ENOX1: variants seen among roughly 807,000 people sequenced by gnomAD.
The protein encoded by ENOX1 is candidate growth-related and time keeping constitutive hydroquinone (NADH) oxidase.
A neutral mutation model predicts 82.5 loss-of-function variants in ENOX1; 42 were observed. The ratio of observed to expected loss-of-function variants is 0.51; its 90% CI spans 0.40 to 0.66. The LOEUF is 0.66. Among genes scored for constraint, ENOX1 ranks in the 30% least tolerant of loss-of-function variants. The probability of loss-of-function intolerance (pLI) is 0.00; values close to 1 mark genes in which losing one functional copy is unlikely to be tolerated. For missense variants in ENOX1, 608 were observed against 811.6 expected, an observed-to-expected ratio of 0.75 and a Z score of 3.05; for synonymous variants, 271 against 282.2, an observed-to-expected ratio of 0.96 and a Z score of 0.40.
chr13:43,287,361 A>T (rs944101382), intron 12 of ENOX1, among the ~76,000 whole-genome samples: 11 of 152,168 alleles, frequency 7.2e-5, no homozygotes, highest in African/African-American at 2.7e-4. Context: ...TTCACCTGGA[A>T]TATGGCAATG....
intron 2 of ENOX1, among the ~76,000 whole-genome samples, chr13:43,623,813 GTTTAACCA>G (rs2082852520): frequency 6.6e-6 from 1 of 152,100 alleles, no homozygotes; most frequent in South Asian, 2.1e-4. Flanking sequence ...ATCATAATTT[GTTTAACCA>G]TTTGCCCATT....
chr13:43,745,475 T>A (rs527295476), intron 1 of ENOX1, among the ~76,000 whole-genome samples: 5 of 152,214 alleles, frequency 3.3e-5, no homozygotes, highest in African/African-American at 1.2e-4. Flanking sequence ...AGTTTTCTTT[T>A]GAAACTTCCT....
intron 15 of ENOX1, among the ~76,000 whole-genome samples, chr13:43,231,749 T>C (rs919751371): frequency 6.6e-6 from 1 of 152,308 alleles, no homozygotes; most frequent in Non-Finnish European, 1.5e-5. Context: ...CCACAGTTCA[T>C]TGTAATTAAC....
intron 5 of ENOX1, among the ~76,000 whole-genome samples, chr13:43,399,259 C>T (rs1374202669): frequency 6.6e-6 from 1 of 152,086 alleles, no homozygotes; most frequent in Admixed American, 6.6e-5. Flanking sequence ...GGAGTCAAAA[C>T]TTATATGTAA....
At chr13:43,352,559 C>T (rs982079779) in intron 8 of ENOX1, among the ~76,000 whole-genome samples, 19 of 152,198 alleles carry the variant, frequency 1.2e-4, no homozygotes, top group African/African-American at 4.6e-4. Context: ...GAGCTCCTTC[C>T]CACTTTCTCA....
intron 2 of ENOX1, among the ~76,000 whole-genome samples, chr13:43,591,986 G>C (rs2081266767): frequency 6.6e-6 from 1 of 151,756 alleles, no homozygotes; most frequent in Non-Finnish European, 1.5e-5. Flanking sequence ...CTCCACAATG[G>C]GGGTGACTGG....
At chr13:43,355,681 G>T (rs1399582241) in intron 8 of ENOX1, among the ~76,000 whole-genome samples, 1 of 152,178 alleles carries the variant, frequency 6.6e-6, no homozygotes, top group Non-Finnish European at 1.5e-5. Context: ...CTGGAAAGGG[G>T]CAGGGGTCTG....
intron 3 of ENOX1, among the ~76,000 whole-genome samples, chr13:43,419,185 G>A: frequency 6.6e-6 from 1 of 152,098 alleles, no homozygotes; most frequent in Admixed American, 6.5e-5. Context: ...TCCTGTTAAA[G>A]GAGGGTAGAG....
intron 1 of ENOX1, among the ~76,000 whole-genome samples, chr13:43,671,554 T>C (rs1273351802): frequency 6.6e-6 from 1 of 152,224 alleles, no homozygotes; most frequent in Non-Finnish European, 1.5e-5. Context: ...ACCCCATTAT[T>C]ACTGAAGGTC....
At chr13:43,262,856 G>A (rs2044157230) in intron 14 of ENOX1, among the ~76,000 whole-genome samples, 1 of 152,094 alleles carries the variant, frequency 6.6e-6, no homozygotes, top group Non-Finnish European at 1.5e-5. Flanking sequence ...TAATGTACAT[G>A]GTTTCATTTA....
chr13:43,298,220 G>T, intron 12 of ENOX1, 126 bp downstream of exon 12: 1 of 999,658 alleles, frequency 1.0e-6, no homozygotes, highest in Non-Finnish European at 1.4e-6. Flanking sequence ...TTCTGTCCTA[G>T]TAACATAGCT....
intron 1 of ENOX1, among the ~76,000 whole-genome samples, chr13:43,721,849 G>T (rs1271116025): frequency 1.3e-5 from 2 of 152,114 alleles, no homozygotes; most frequent in Admixed American, 6.5e-5. Context: ...CAGCACCTAG[G>T]CTATTGCTTT....
At chr13:43,683,988 T>C (rs2085930442) in intron 1 of ENOX1, among the ~76,000 whole-genome samples, 1 of 150,762 alleles carries the variant, frequency 6.6e-6, no homozygotes, top group Non-Finnish European at 1.5e-5. Flanking sequence ...CTTTACTTGC[T>C]GAAACCCTGT....
intron 1 of ENOX1, among the ~76,000 whole-genome samples, chr13:43,781,763 G>T (rs1250352608): frequency 6.6e-6 from 1 of 152,028 alleles, no homozygotes; most frequent in Non-Finnish European, 1.5e-5. Flanking sequence ...TGCCCGCCTC[G>T]ACCTCTCAAA....
At chr13:43,599,695 C>T (rs1288860164) in intron 2 of ENOX1, among the ~76,000 whole-genome samples, 2 of 151,816 alleles carry the variant, frequency 1.3e-5, no homozygotes, top group Non-Finnish European at 2.9e-5. Context: ...CCAGCCAGGG[C>T]AGCCAAAGGA....
chr13:43,662,888 G>A (rs893680726), intron 2 of ENOX1, among the ~76,000 whole-genome samples: 2 of 152,168 alleles, frequency 1.3e-5, no homozygotes, highest in African/African-American at 4.8e-5. Context: ...GCAATATGCA[G>A]CATCTATTCA....
intron 15 of ENOX1, among the ~76,000 whole-genome samples, chr13:43,235,408 A>C (rs1280660617): frequency 1.3e-5 from 2 of 152,160 alleles, no homozygotes; most frequent in Non-Finnish European, 2.9e-5. Context: ...TGTACCTGTC[A>C]TTTTTAGGTG....
intron 3 of ENOX1, among the ~76,000 whole-genome samples, chr13:43,454,140 A>C (rs1175915100): frequency 6.6e-6 from 1 of 152,200 alleles, no homozygotes; most frequent in East Asian, 1.9e-4. Context: ...GTATTTATTA[A>C]AGTAATATAT....
At chr13:43,323,376 T>C (rs959009742) in intron 10 of ENOX1, among the ~76,000 whole-genome samples, 22 of 152,302 alleles carry the variant, frequency 1.4e-4, no homozygotes, top group African/African-American at 5.3e-4. Context: ...ATCAAGTTAT[T>C]TATTTGAGAC....
Sources: allele counts gnomAD v4.1 joint callset (sites outside exome capture counted in the v4.1 genomes callset), GRCh38; gene constraint gnomAD v4.1.1; transcripts MANE v1.5; gene names NCBI Gene and HGNC (gene_info 2026-07-23, HGNC 2026-07-21).